FAM163A: variants seen among roughly 807,000 people sequenced by gnomAD.
FAM163A encodes the protein protein FAM163A.
FAM163A carries 7 observed loss-of-function variants against 12.0 expected under a neutral mutation model. The observed-to-expected ratio is 0.58, with a 90% confidence interval of 0.33 to 1.10. The LOEUF (loss-of-function observed/expected upper bound fraction) is 1.10. Ranked by LOEUF, FAM163A falls within the 50% of genes least tolerant of loss-of-function variation. FAM163A has a pLI of 0.03. For synonymous variants in FAM163A, 101 were observed against 91.0 expected, an observed-to-expected ratio of 1.11 and a Z score of -0.62; for missense variants, 202 against 218.6, an observed-to-expected ratio of 0.92 and a Z score of 0.48.
At chr1:179,792,338 C>A (rs943471214) in intron 1 of FAM163A, among the ~76,000 whole-genome samples, 15 of 145,498 alleles carry the variant, frequency 1.0e-4, no homozygotes, top group Middle Eastern at 3.6e-3. Context: ...GAGATTGGGT[C>A]TCTTTATGTT....
chr1:179,776,197 G>A (rs1248133503), intron 1 of FAM163A, among the ~76,000 whole-genome samples: 2 of 152,136 alleles, frequency 1.3e-5, no homozygotes, highest in African/African-American at 4.8e-5. Flanking sequence ...TCACATGAAA[G>A]AGAAACCACC....
chr1:179,803,091 C>T (rs968313996), intron 1 of FAM163A, among the ~76,000 whole-genome samples: 3 of 152,170 alleles, frequency 2.0e-5, no homozygotes, highest in African/African-American at 7.2e-5. Flanking sequence ...GAACCCCTTC[C>T]CCATTTCCTT....
intron 1 of FAM163A, among the ~76,000 whole-genome samples, 191 bp from the exon 2 acceptor site, chr1:179,807,607 A>G (rs1694129607): frequency 1.3e-5 from 2 of 152,204 alleles, no homozygotes; most frequent in South Asian, 4.1e-4. Context: ...GTAACCTTAC[A>G]GGTCTGTCCT....
intron 1 of FAM163A, among the ~76,000 whole-genome samples, chr1:179,786,221 A>G (rs1690605067): frequency 6.6e-6 from 1 of 152,234 alleles, no homozygotes; most frequent in Non-Finnish European, 1.5e-5. Context: ...CCAGAGCCAC[A>G]CAGGCCCTAA....
rs1273970601 is a variant in FAM163A, at chr1:179,815,109, G to GCGCGCGCACACACACACACA, written c.*921_*922insGCGCGCACACACACACACAC. On this transcript the variant is annotated 3_prime_UTR_variant, in exon 5 of 5. Coordinates refer to ENST00000341785, the MANE Select transcript of FAM163A (RefSeq NM_173509.3). ...CAGGTGTACGCACGCGCGCGCGCGCGCACAGACACACACACACACACACAC... is the reference window on the plus strand; with the variant it reads ...CAGGTGTACGCACGCGCGCGCGCGCGCGCGCGCACACACACACACACACAGACACACACACACACACACAC... 8.9e-5 allele frequency: 6 copies of GCGCGCGCACACACACACACA among 67,236 alleles called. No homozygotes were observed. The highest frequency in any genetic ancestry group is 3.8e-4 in the African/African-American group (6 of 15,782). The allele number at this position is 67,236 out of a possible 1,614,324, so 4.2% of individuals were successfully genotyped here.
chr1:179,737,013 T>A, the FAM163A span, among the ~76,000 whole-genome samples: 13 of 152,194 alleles, frequency 8.5e-5, no homozygotes, highest in African/African-American at 3.1e-4. Flanking sequence ...ATCCCACTTC[T>A]GATATATATC....
At chr1:179,788,553 G>A (rs560543264) in intron 1 of FAM163A, among the ~76,000 whole-genome samples, 2 of 152,158 alleles carry the variant, frequency 1.3e-5, no homozygotes, top group African/African-American at 2.4e-5. Flanking sequence ...GAGCTTTCGG[G>A]TTTGCGGATC....
At chr1:179,787,388 T>C (rs111425117) in intron 1 of FAM163A, among the ~76,000 whole-genome samples, 2,989 of 152,244 alleles carry the variant, frequency 0.02, 71 homozygotes, top group African/African-American at 0.051. Flanking sequence ...GATCCTACCA[T>C]GTGCTCCAGG....
intron 1 of FAM163A, among the ~76,000 whole-genome samples, chr1:179,764,792 T>A (rs1687266749): frequency 6.6e-6 from 1 of 152,188 alleles, no homozygotes; most frequent in Non-Finnish European, 1.5e-5. Context: ...CCCTGTCACC[T>A]GGGGCAAATC....
intron 1 of FAM163A, among the ~76,000 whole-genome samples, chr1:179,768,209 C>T (rs1210190494): frequency 6.6e-6 from 1 of 152,178 alleles, no homozygotes; most frequent in Non-Finnish European, 1.5e-5. Context: ...TATGGATATA[C>T]CACATCTCTT....
chr1:179,729,646 G>A, the FAM163A span, among the ~76,000 whole-genome samples: 1 of 152,160 alleles, frequency 6.6e-6, no homozygotes, highest in Admixed American at 6.5e-5. Flanking sequence ...CTAGCTATCA[G>A]AGTAGCATTA....
chr1:179,766,253 C>T (rs1687480347), intron 1 of FAM163A, among the ~76,000 whole-genome samples: 1 of 152,202 alleles, frequency 6.6e-6, no homozygotes, highest in African/African-American at 2.4e-5. Flanking sequence ...AAAATATTAA[C>T]CTAACTTGCC....
chr1:179,813,882 G>T lies in FAM163A; in HGVS notation c.197G>T (p.Ser66Ile), dbSNP rs141650589. The T allele has an allele frequency of 6.2e-7, 1 of 1,613,956 alleles. No homozygotes were observed. The highest frequency in any genetic ancestry group is 8.5e-7 in the Non-Finnish European group (1 of 1,180,006). Residue 66 changes from serine to isoleucine, a missense_variant, in exon 5 of 5, where the codon AGC becomes ATC. Ser to Ile is a moderately radical substitution (Grantham distance 142, BLOSUM62 -2). Transcript: ENST00000341785. ...HPRGPTCNAC[S>I]SQALDGRGSL... ...AGAGGCCCCACCTGCAATGCCTGCA[G>T]CTCCCAAGCCCTGGACGGCAGAGGC...
At chr1:179,739,107 AAGAAGAAGG>A (rs1298214840), upstream of FAM163A, among the ~76,000 whole-genome samples, 4 of 152,244 alleles carry the variant, frequency 2.6e-5, no homozygotes, top group South Asian at 2.1e-4. Flanking sequence ...ATTAGGCAAG[AAGAAGAAGG>A]AGAAGAAGGA....
chr1:179,758,969 T>C (rs774067770), intron 1 of FAM163A, among the ~76,000 whole-genome samples: 4 of 152,252 alleles, frequency 2.6e-5, no homozygotes, highest in Non-Finnish European at 5.9e-5. Context: ...CCTGCATCCA[T>C]GCATCGATTT....
chr1:179,772,616 T>C (rs1391786078), intron 1 of FAM163A, among the ~76,000 whole-genome samples: 1 of 152,136 alleles, frequency 6.6e-6, no homozygotes, highest in Non-Finnish European at 1.5e-5. Flanking sequence ...TCTGAGCAAG[T>C]TTCTTCTCTG....
intron 1 of FAM163A, among the ~76,000 whole-genome samples, chr1:179,780,037 C>T (rs1689507109): frequency 6.6e-6 from 1 of 152,152 alleles, no homozygotes; most frequent in Admixed American, 6.5e-5. Context: ...TGGCTGTGAC[C>T]CAAAGTCTGA....
chr1:179,813,725 A>T (rs116039137), intron 4 of FAM163A, 54 bp from the exon 5 acceptor site: 2 of 1,601,218 alleles, frequency 1.2e-6, no homozygotes, highest in East Asian at 2.2e-5. Context: ...TCAAAAATGC[A>T]TGGGGCGGGG....
chr1:179,800,173 C>G (rs918502484), intron 1 of FAM163A, among the ~76,000 whole-genome samples: 1 of 152,216 alleles, frequency 6.6e-6, no homozygotes, highest in African/African-American at 2.4e-5. Context: ...AGTCACAGCC[C>G]CTCCCCAGCC....
Sources: allele counts gnomAD v4.1 joint callset (sites outside exome capture counted in the v4.1 genomes callset), GRCh38; gene constraint gnomAD v4.1.1; transcripts MANE v1.5; gene names NCBI Gene and HGNC (gene_info 2026-07-23, HGNC 2026-07-21).